Variants in MEMO1 observed in about 807,000 individuals in gnomAD.
MEMO1 encodes the protein protein MEMO1.
Under a neutral mutation model 45.2 loss-of-function variants are expected in MEMO1, and 6 were observed. The ratio of observed to expected loss-of-function variants is 0.13; its 90% confidence interval spans 0.07 to 0.26. The LOEUF is 0.26. Ranked by LOEUF, MEMO1 falls within the 10% of genes least tolerant of loss-of-function variation. The probability of loss-of-function intolerance (pLI) is 1.00; values close to 1 mark genes in which losing one functional copy is unlikely to be tolerated. For missense variants in MEMO1, 184 were observed against 370.5 expected (o/e 0.50, Z 4.13); for synonymous variants, 78 against 124.3 (o/e 0.63, Z 2.48).
At chr2:31,905,458 G>A (rs987688389) in intron 6 of MEMO1, among the ~76,000 whole-genome samples, 7 of 152,158 alleles carry the variant, frequency 4.6e-5, no homozygotes, top group African/African-American at 1.7e-4. Context: ...TAGGCATGAT[G>A]ATAAGAAAGT....
intron 3 of MEMO1, among the ~76,000 whole-genome samples, chr2:31,942,336 C>A (rs1375166625): frequency 6.6e-6 from 1 of 152,002 alleles, no homozygotes; most frequent in Admixed American, 6.6e-5. Flanking sequence ...TAAAAATCAT[C>A]GGGATTAAAT....
At chr2:31,875,041 C>T (rs1674363245) in intron 8 of MEMO1, among the ~76,000 whole-genome samples, 1 of 151,734 alleles carries the variant, frequency 6.6e-6, no homozygotes, top group Non-Finnish European at 1.5e-5. Context: ...GTTGAATCAA[C>T]AATATACTAA....
At chr2:31,987,517 G>A (rs576499108) in intron 2 of MEMO1, among the ~76,000 whole-genome samples, 12 of 152,146 alleles carry the variant, frequency 7.9e-5, no homozygotes, top group Non-Finnish European at 1.2e-4. Flanking sequence ...AATACACAAT[G>A]TAAGGCTAAA....
intron 2 of MEMO1, among the ~76,000 whole-genome samples, chr2:31,989,607 T>C (rs1006098632): frequency 5.3e-5 from 8 of 152,218 alleles, no homozygotes; most frequent in South Asian, 2.1e-4. Context: ...ATGAAAACTT[T>C]ACTGAGATGG....
intron 4 of MEMO1, among the ~76,000 whole-genome samples, chr2:31,922,344 A>G (rs776489426): frequency 5.1e-5 from 7 of 136,194 alleles, no homozygotes; most frequent in Admixed American, 1.4e-4. Flanking sequence ...TTCTGCTATG[A>G]AAAAAAAAAA....
intron 6 of MEMO1, among the ~76,000 whole-genome samples, chr2:31,904,853 A>T (rs949069966): frequency 6.6e-6 from 1 of 152,216 alleles, no homozygotes; most frequent in Non-Finnish European, 1.5e-5. Context: ...TTTTCTCTTG[A>T]TCAAATTCAC....
intron 2 of MEMO1, among the ~76,000 whole-genome samples, chr2:31,959,179 A>G (rs1201686994): frequency 6.6e-6 from 1 of 152,202 alleles, no homozygotes; most frequent in Non-Finnish European, 1.5e-5. Context: ...TCCCATTAGT[A>G]AGAGTGTGAG....
chr2:31,937,956 T>A (rs1244320308), intron 3 of MEMO1, among the ~76,000 whole-genome samples: 1 of 152,180 alleles, frequency 6.6e-6, no homozygotes, highest in Admixed American at 6.5e-5. Flanking sequence ...TATCTGGAAG[T>A]CATGTAGAAA....
intron 2 of MEMO1, among the ~76,000 whole-genome samples, chr2:31,966,345 T>C (rs1000209855): frequency 6.6e-6 from 1 of 152,230 alleles, no homozygotes; most frequent in Non-Finnish European, 1.5e-5. Flanking sequence ...CTACTGGTTA[T>C]TCGGTGATCT....
At chr2:31,873,986 G>C (rs1352197425) in intron 8 of MEMO1, among the ~76,000 whole-genome samples, 1 of 152,054 alleles carries the variant, frequency 6.6e-6, no homozygotes, top group Non-Finnish European at 1.5e-5. Flanking sequence ...GAAGTATGAG[G>C]TGACGAAGGA....
intron 2 of MEMO1, among the ~76,000 whole-genome samples, chr2:32,002,160 A>T (rs1310373275): frequency 6.5e-4 from 83 of 127,400 alleles, no homozygotes; most frequent in African/African-American, 2.6e-3. Context: ...AAAAAAAAAA[A>T]AAAAAAAAAT....
At chr2:31,904,273 G>A (rs549526082) in intron 6 of MEMO1, among the ~76,000 whole-genome samples, 3 of 152,100 alleles carry the variant, frequency 2.0e-5, no homozygotes, top group Non-Finnish European at 4.4e-5. Flanking sequence ...TACCCACTTG[G>A]GACACTGAAT....
chr2:31,889,101 A>G (rs1410719817), intron 7 of MEMO1, among the ~76,000 whole-genome samples: 1 of 152,154 alleles, frequency 6.6e-6, no homozygotes, highest in Non-Finnish European at 1.5e-5. Flanking sequence ...CTCTATCACC[A>G]AGGTTTTCAC....
intron 6 of MEMO1, among the ~76,000 whole-genome samples, chr2:31,897,436 A>G (rs1678025635): frequency 6.6e-6 from 1 of 152,172 alleles, no homozygotes; most frequent in Non-Finnish European, 1.5e-5. Flanking sequence ...AGCGGTATTG[A>G]ATTTTATCAA....
At chr2:31,970,547 T>TAAAAAAAAGA (rs1669261398) in intron 2 of MEMO1, among the ~76,000 whole-genome samples, 1 of 152,216 alleles carries the variant, frequency 6.6e-6, no homozygotes, top group South Asian at 2.1e-4. Context: ...AGTCTTAGGT[T>TAAAAAAAAGA]TACTATCTGT....
intron 2 of MEMO1, among the ~76,000 whole-genome samples, chr2:31,952,127 T>C (rs1244349740): frequency 1.3e-5 from 2 of 152,094 alleles, no homozygotes; most frequent in African/African-American, 2.4e-5. Flanking sequence ...AAAACAAATT[T>C]TAAAAGTTAA....
rs1156517097 is a variant in MEMO1, at chr2:31,926,757, G to A, written c.212+5310C>T. Among the ~76,000 whole-genome samples the A allele has an allele frequency of 2.6e-5, 4 of 151,826 alleles. 1 individual carries two copies. The East Asian group carries it at 7.8e-4, about 29-fold the overall frequency. On this transcript the variant is annotated intron_variant, in intron 4 of 9. Transcript: ENST00000404530. The stretch of plus-strand genomic sequence containing the variant: ...ACCTACTCGGGAGACCGAGGCAGGA[G>A]AATCCCTTGAACCCAGGAGGTGGAG...
intron 2 of MEMO1, among the ~76,000 whole-genome samples, chr2:31,994,967 A>C (rs1475123422): frequency 8.1e-6 from 1 of 122,848 alleles, no homozygotes; most frequent in Non-Finnish European, 1.7e-5. Context: ...GGAGGAAAAG[A>C]GGGAGAGAGG....
rs1424700890 is a variant in MEMO1 at position 31,891,927 on chromosome 2, T to C, written c.580+65A>G. ...AAAAACTGAAAATCAGAGCTTAGAA[T>C]GAAAAGATACCTTTAACCAGAAGTA... On this transcript the variant is annotated intron_variant, in intron 7 of 9. Coordinates refer to ENST00000404530, the MANE Select transcript of MEMO1 (RefSeq NM_001301833.4). 6.8e-6 allele frequency: 10 copies of C among 1,461,356 alleles called. 1 individual carries two copies. The East Asian group carries it at 2.3e-4, about 33-fold the overall frequency. The allele number at this position is 1,461,356 out of a possible 1,614,324, so 90.5% of individuals were successfully genotyped here.
Sources: allele counts gnomAD v4.1 joint callset (sites outside exome capture counted in the v4.1 genomes callset), GRCh38; gene constraint gnomAD v4.1.1; transcripts MANE v1.5; gene names NCBI Gene and HGNC (gene_info 2026-07-23, HGNC 2026-07-21).